Variants in FOCAD observed in about 807,000 individuals in gnomAD.
FOCAD encodes KIAA1797.
A neutral mutation model predicts 225.6 loss-of-function variants in FOCAD; 198 were observed. The ratio of observed to expected loss-of-function variants is 0.88; its 90% confidence interval spans 0.78 to 0.99. The LOEUF is 0.99. FOCAD is among the 50% of genes least tolerant of loss of function. The pLI is 0.00. For synonymous variants in FOCAD, 897 were observed against 755.0 expected, an observed-to-expected ratio of 1.19 and a Z score of -3.08; for missense variants, 2,713 against 2,123.6, an observed-to-expected ratio of 1.28 and a Z score of -5.46.
chr9:20,658,731 C>T (rs1464443674), exon 2 of FOCAD: 3 of 160,732 alleles, frequency 1.9e-5, no homozygotes, highest in Non-Finnish European at 4.0e-5. Context: ...GCAGAAATCA[C>T]CGTCTTCTCC....
intron 35 of FOCAD, among the ~76,000 whole-genome samples, chr9:20,957,049 A>G (rs1158980548): frequency 2.0e-5 from 3 of 152,158 alleles, no homozygotes; most frequent in Admixed American, 6.5e-5. Flanking sequence ...ATATATCACC[A>G]TAACAATTGT....
chr9:20,951,320 G>A (rs1837667167), intron 34 of FOCAD, among the ~76,000 whole-genome samples: 1 of 152,048 alleles, frequency 6.6e-6, no homozygotes, highest in Admixed American at 6.6e-5. Flanking sequence ...AGATCTTTTG[G>A]CCTCCAAAGC....
intron 1 of FOCAD, among the ~76,000 whole-genome samples, chr9:20,712,866 G>A (rs1167122382): frequency 2.7e-5 from 4 of 150,454 alleles, no homozygotes; most frequent in Non-Finnish European, 1.5e-5. Flanking sequence ...CTGAGTAACT[G>A]GGATTATAGG....
chr9:20,837,275 G>C (rs1221069703), intron 15 of FOCAD, among the ~76,000 whole-genome samples: 2 of 151,998 alleles, frequency 1.3e-5, no homozygotes, highest in East Asian at 3.9e-4. Flanking sequence ...CAAACCTGAA[G>C]GCTGTTCAGG....
At chr9:20,888,469 A>C (rs1250668360) in intron 21 of FOCAD, among the ~76,000 whole-genome samples, 1 of 152,006 alleles carries the variant, frequency 6.6e-6, no homozygotes, top group Non-Finnish European at 1.5e-5. Context: ...TGAAGAGTGG[A>C]CTTTTCATTT....
At chr9:20,697,375 A>G (rs1217431652) in intron 1 of FOCAD, among the ~76,000 whole-genome samples, 1 of 152,156 alleles carries the variant, frequency 6.6e-6, no homozygotes, top group African/African-American at 2.4e-5. Context: ...ACCCTGTAGG[A>G]CTTCCCATCT....
intron 18 of FOCAD, among the ~76,000 whole-genome samples, chr9:20,868,756 A>G (rs1829505894): frequency 6.6e-6 from 1 of 152,012 alleles, no homozygotes; most frequent in Admixed American, 6.6e-5. Context: ...ACCCATTCCA[A>G]AAAGTAACAA....
intron 15 of FOCAD, among the ~76,000 whole-genome samples, chr9:20,844,785 A>G (rs1826913492): frequency 6.6e-6 from 1 of 152,156 alleles, no homozygotes; most frequent in Non-Finnish European, 1.5e-5. Flanking sequence ...TAAAATTAGT[A>G]TTATTAGTGA....
intron 5 of FOCAD, among the ~76,000 whole-genome samples, chr9:20,755,566 T>C (rs996435226): frequency 2.0e-5 from 3 of 152,160 alleles, no homozygotes; most frequent in Non-Finnish European, 2.9e-5. Flanking sequence ...GGAAGGGAGA[T>C]GACTTATAAA....
chr9:20,848,511 T>C (rs922675143), intron 15 of FOCAD, among the ~76,000 whole-genome samples: 2 of 152,006 alleles, frequency 1.3e-5, no homozygotes, highest in Non-Finnish European at 2.9e-5. Flanking sequence ...CATGGGATTC[T>C]AGTTTCTGTG....
chr9:20,680,256 T>G (rs1822362258), upstream of FOCAD, among the ~76,000 whole-genome samples: 1 of 152,200 alleles, frequency 6.6e-6, no homozygotes, highest in African/African-American at 2.4e-5. Context: ...CACCTTAATT[T>G]CTTTTACAAT....
chr9:20,779,616 G>A (rs1032926809), intron 9 of FOCAD, among the ~76,000 whole-genome samples: 47 of 152,098 alleles, frequency 3.1e-4, no homozygotes, highest in Non-Finnish European at 2.1e-4. Flanking sequence ...CAGGCGTGGT[G>A]GCGCATGCCT....
At chr9:20,936,713 C>G (rs1175727993) in intron 28 of FOCAD, among the ~76,000 whole-genome samples, 1 of 152,094 alleles carries the variant, frequency 6.6e-6, no homozygotes. Flanking sequence ...CCCGATTCAA[C>G]ATAGTGTTGG....
At chr9:20,709,004 T>C (rs1824616716) in intron 1 of FOCAD, among the ~76,000 whole-genome samples, 2 of 152,188 alleles carry the variant, frequency 1.3e-5, no homozygotes, top group African/African-American at 4.8e-5. Flanking sequence ...TGTCCTTTAT[T>C]TGAGGTTTGA....
intron 10 of FOCAD, among the ~76,000 whole-genome samples, chr9:20,783,613 C>T (rs534814975): frequency 6.6e-6 from 1 of 150,672 alleles, no homozygotes; most frequent in East Asian, 1.9e-4. Context: ...CGGAGTCTCA[C>T]TCTGCCACCT....
intron 41 of FOCAD, among the ~76,000 whole-genome samples, chr9:20,989,318 C>T (rs1326061655): frequency 6.6e-6 from 1 of 152,180 alleles, no homozygotes; most frequent in Non-Finnish European, 1.5e-5. Flanking sequence ...GATCTGTCCT[C>T]TTTCTTCTGA....
At chr9:20,921,634 G>C (rs1185924202) in intron 24 of FOCAD, among the ~76,000 whole-genome samples, 1 of 152,204 alleles carries the variant, frequency 6.6e-6, no homozygotes, top group East Asian at 1.9e-4. Flanking sequence ...GCACTGTATA[G>C]AGTGGACTAG....
At chr9:20,844,300 G>A (rs1020986455) in intron 15 of FOCAD, among the ~76,000 whole-genome samples, 66 of 148,480 alleles carry the variant, frequency 4.4e-4, no homozygotes, top group Admixed American at 4.4e-3. Flanking sequence ...AGATGTTAGA[G>A]CTGTAATGAG....
At chr9:20,927,085 G>A (rs904873875) in intron 26 of FOCAD, among the ~76,000 whole-genome samples, 2 of 151,824 alleles carry the variant, frequency 1.3e-5, no homozygotes, top group African/African-American at 2.4e-5. Context: ...AATTGCTCAT[G>A]GATAAACTCC....
Sources: allele counts gnomAD v4.1 joint callset (sites outside exome capture counted in the v4.1 genomes callset), GRCh38; gene constraint gnomAD v4.1.1; transcripts MANE v1.5; gene names NCBI Gene and HGNC (gene_info 2026-07-23, HGNC 2026-07-21).